PLAA: variants seen among roughly 807,000 people sequenced by gnomAD.
PLAA encodes phospholipase A2 activating protein.
PLAA carries 48 observed loss-of-function variants against 84.1 expected under a neutral mutation model. That is an observed-to-expected ratio of 0.57 (90% confidence interval 0.45 to 0.73). The LOEUF (loss-of-function observed/expected upper bound fraction) is 0.73. Ranked by LOEUF, PLAA falls within the 30% of genes least tolerant of loss-of-function variation. The probability of loss-of-function intolerance (pLI) is 0.00; values close to 1 mark genes in which losing one functional copy is unlikely to be tolerated. For synonymous variants in PLAA, 392 were observed against 336.6 expected (o/e 1.16, Z -1.80); for missense variants, 903 against 954.7 (o/e 0.95, Z 0.71).
At chr9:26,914,488 A>C (rs1347179892) in intron 10 of PLAA, among the ~76,000 whole-genome samples, 2 of 152,126 alleles carry the variant, frequency 1.3e-5, no homozygotes, top group Non-Finnish European at 2.9e-5. Flanking sequence ...AAAATGAGCT[A>C]CTGTTCTAGC....
chr9:26,934,992 C>A (rs956029535), intron 2 of PLAA, 21 bp downstream of exon 2: 7 of 1,490,576 alleles, frequency 4.7e-6, no homozygotes, highest in Non-Finnish European at 6.3e-6. Flanking sequence ...TAGAAAAACA[C>A]CAAAGCATTA....
chr9:26,908,630 A>G (rs1824310245), intron 12 of PLAA, among the ~76,000 whole-genome samples: 1 of 151,744 alleles, frequency 6.6e-6, no homozygotes, highest in East Asian at 1.9e-4. Context: ...CACACCAGCT[A>G]ATTTTTGTAT....
intron 2 of PLAA, among the ~76,000 whole-genome samples, chr9:26,932,170 A>C (rs1342476096): frequency 6.6e-6 from 1 of 152,224 alleles, no homozygotes; most frequent in East Asian, 1.9e-4. Flanking sequence ...CTGTAAAAAA[A>C]GATTTATGAG....
intron 2 of PLAA, among the ~76,000 whole-genome samples, chr9:26,934,237 A>T (rs1825282521): frequency 6.6e-6 from 1 of 152,222 alleles, no homozygotes; most frequent in Non-Finnish European, 1.5e-5. Flanking sequence ...AGAACTGTTA[A>T]GCCACACAGA....
chr9:26,919,662 ATCT>A (rs1461783814), intron 8 of PLAA, 133 bp from the exon 9 acceptor site: 2 of 591,124 alleles, frequency 3.4e-6, no homozygotes, highest in African/African-American at 1.8e-5. Context: ...CAGTGCTAAA[ATCT>A]TCGTTTTTGG....
At chr9:26,944,292 C>A (rs1182151210) in intron 1 of PLAA, among the ~76,000 whole-genome samples, 1 of 151,726 alleles carries the variant, frequency 6.6e-6, no homozygotes, top group Non-Finnish European at 1.5e-5. Flanking sequence ...ATGAAAAATA[C>A]ATTTCTTTTC....
In PLAA at chr9:26,946,935, C is replaced by T. The variant is rs965904192; in HGVS notation, c.111G>A (p.Val37=). 2 of 1,583,504 alleles carry T rather than the reference C, an allele frequency of 1.3e-6. No individual in the cohort carries two copies. The highest frequency in any genetic ancestry group is 1.3e-5 in the African/African-American group (1 of 74,290). Residue 37 remains valine (V), a synonymous_variant, in exon 1 of 14, where the codon GTG becomes GTA. Transcript: ENST00000397292. ...CAYPPGAFVS[V]SRDRTTRLWA... ...AGAGGCGGGTGGTGCGGTCTCGGGA[C>T]ACGGACACAAAGGCTCCCGGCGGAT... is the stretch of plus-strand genomic sequence containing the variant.
chr9:26,925,851 G>C lies in PLAA; in HGVS notation c.843C>G (p.Asp281Glu). 6.2e-7 allele frequency: 1 copy of C among 1,613,958 alleles called. No homozygotes were observed. Among genetic ancestry groups the C allele is most frequent in the Non-Finnish European group, 8.5e-7 (1 of 1,179,936 alleles). ...TCGCACCAACCACAATGTCACCATT[G>C]TCGAGCACACAGCAGCACCATATAG... is the stretch of plus-strand genomic sequence containing the variant. Reference protein sequence around the residue: ...AQSIWCCCVLDNGDIVVGASD... With the variant: ...AQSIWCCCVLENGDIVVGASD... Residue 281 changes from aspartate to glutamate, a missense_variant, in exon 6 of 14, where the codon GAC (aspartate) becomes GAG (glutamate). Coordinates refer to ENST00000397292, the MANE Select transcript of PLAA (RefSeq NM_001031689.3).
At chr9:26,939,280 C>A (rs10967613) in intron 1 of PLAA, among the ~76,000 whole-genome samples, 1,842 of 151,454 alleles carry the variant, frequency 0.012, 24 homozygotes, top group Non-Finnish European at 0.018. Flanking sequence ...CCCAGCTACT[C>A]GGGAGGCTGA....
intron 1 of PLAA, among the ~76,000 whole-genome samples, chr9:26,944,933 G>T (rs950462025): frequency 6.6e-6 from 1 of 152,182 alleles, no homozygotes; most frequent in African/African-American, 2.4e-5. Flanking sequence ...TTCAAGACCA[G>T]CCTGACCAAC....
At chr9:26,945,423 T>C (rs1825662291) in intron 1 of PLAA, among the ~76,000 whole-genome samples, 1 of 152,246 alleles carries the variant, frequency 6.6e-6, no homozygotes, top group South Asian at 2.1e-4. Flanking sequence ...ATATTAGTAT[T>C]ACTAAGTAGT....
At chr9:26,909,617 CTT>C (rs367983051) in intron 12 of PLAA, among the ~76,000 whole-genome samples, 16 of 142,326 alleles carry the variant, frequency 1.1e-4, no homozygotes, top group African/African-American at 2.1e-4. Flanking sequence ...AGATTAATTT[CTT>C]TTTTTTTTTT....
intron 8 of PLAA, 68 bp downstream of exon 8, chr9:26,920,159 G>T: frequency 1.5e-6 from 2 of 1,342,072 alleles, no homozygotes; most frequent in Non-Finnish European, 2.1e-6. Flanking sequence ...ATCACTATGG[G>T]GCAAAGGAAA....
intron 2 of PLAA, among the ~76,000 whole-genome samples, chr9:26,933,848 A>G (rs929147082): frequency 4.0e-5 from 6 of 151,326 alleles, no homozygotes; most frequent in South Asian, 2.1e-4. Flanking sequence ...TCACTCTATC[A>G]CCCAGGCTGG....
At chr9:26,909,530 A>C (rs749952417) in intron 12 of PLAA, among the ~76,000 whole-genome samples, 4 of 152,188 alleles carry the variant, frequency 2.6e-5, no homozygotes, top group Non-Finnish European at 5.9e-5. Context: ...CTCTTAGTCC[A>C]AGACAACAAC....
rs771291346 is a variant in PLAA at position 26,910,434 on chromosome 9, T to C, written c.1561A>G (p.Ser521Gly). 1 of 1,607,416 alleles carries C rather than the reference T, an allele frequency of 6.2e-7. No individual in the cohort carries two copies. The highest frequency in any genetic ancestry group is 1.3e-5 in the African/African-American group (1 of 74,820). The change falls in exon 12 of 14, where the codon AGT becomes GGT. Residue 521 changes from serine to glycine, a missense_variant. Physicochemically the swap from Ser to Gly is moderately conservative, Grantham distance 56. Coordinates refer to ENST00000397292, the MANE Select transcript of PLAA (RefSeq NM_001031689.3). ...TTAGATGCAGCTGATCGGTAGGCAC[T>C]ATTCCCTATTTAAAGAATAGAAGAT... ...MAGVDPFTGN[S>G]AYRSAASKTM...
chr9:26,942,320 A>C (rs191876978), intron 1 of PLAA, among the ~76,000 whole-genome samples: 2 of 152,242 alleles, frequency 1.3e-5, no homozygotes, highest in Non-Finnish European at 2.9e-5. Context: ...AATGAAGGGA[A>C]ATCCTAGGAT....
In PLAA at chr9:26,913,906, T is replaced by C; in HGVS notation, c.1528A>G (p.Thr510Ala). 3 of 1,612,408 alleles carry C rather than the reference T, an allele frequency of 1.9e-6. No homozygotes were observed. The highest frequency in any genetic ancestry group is 1.1e-5 in the South Asian group (1 of 91,006). Reference sequence around the variant, plus strand: ...GTAAATGGATCAACTCCGGCCATGGTAGTTCCCATACTTGCAGAACCTGGT... The same window carrying C: ...GTAAATGGATCAACTCCGGCCATGGCAGTTCCCATACTTGCAGAACCTGGT... ...YVPGSASMGT[T>A]MAGVDPFTGN... The change falls in exon 11 of 14, where the codon ACC (threonine) becomes GCC (alanine). Residue 510 changes from threonine to alanine, a missense_variant. Thr to Ala is a moderately conservative substitution (Grantham distance 58). Coordinates refer to ENST00000397292, the MANE Select transcript of PLAA (RefSeq NM_001031689.3).
intron 2 of PLAA, among the ~76,000 whole-genome samples, chr9:26,930,197 C>G (rs947385695): frequency 6.6e-6 from 1 of 151,090 alleles, no homozygotes; most frequent in Non-Finnish European, 1.5e-5. Flanking sequence ...CTCTGCCTCC[C>G]GGGTTCACGC....
Sources: gnomAD v4.1 joint callset for allele counts (sites outside exome capture counted in the v4.1 genomes callset) on GRCh38, gnomAD v4.1.1 for gene constraint, MANE v1.5 for transcripts, NCBI Gene and HGNC (gene_info 2026-07-23, HGNC 2026-07-21) for gene names.